Variants in EIF2AK1 observed in about 807,000 individuals in gnomAD.
EIF2AK1 encodes the protein eukaryotic translation initiation factor 2-alpha kinase 1.
In EIF2AK1, 54 loss-of-function variants were observed where a neutral mutation model predicts 77.9. The ratio of observed to expected loss-of-function variants is 0.69; its 90% CI spans 0.56 to 0.87. The LOEUF (loss-of-function observed/expected upper bound fraction) is 0.87. Among genes scored for constraint, EIF2AK1 ranks in the 40% least tolerant of loss-of-function variants. The probability of loss-of-function intolerance (pLI) is 0.00; values close to 1 mark genes in which losing one functional copy is unlikely to be tolerated. For synonymous variants in EIF2AK1, 314 were observed against 290.5 expected, an observed-to-expected ratio of 1.08 and a Z score of -0.82; for missense variants, 810 against 768.6, an observed-to-expected ratio of 1.05 and a Z score of -0.64.
rs748716919 is a variant in EIF2AK1, at chr7:6,026,533, G to A, written c.1764+195C>T. ...GCTGAGGCCACAGCTGCTACCCCAA[G>A]GGGAGTGAGTCCTGCCAGCACACCC... is the stretch of plus-strand genomic sequence containing the variant. On this transcript the variant is annotated intron_variant, in intron 14 of 14. Coordinates refer to ENST00000199389, the MANE Select transcript of EIF2AK1 (RefSeq NM_014413.4). 9.9e-6 allele frequency: 7 copies of A among 705,054 alleles called. No homozygotes were observed. In the East Asian group the frequency reaches 1.9e-4, roughly 19 times the overall value. 43.7% of individuals were successfully genotyped at this position (705,054 alleles called of 1,614,324 possible).
chr7:6,032,737 A>G lies in EIF2AK1; in HGVS notation c.1333-3705T>C. Reference sequence around the variant, plus strand: ...ATACCAGAAAAAGAGTGAGCCAATGAGACACTAAATAAATGTATTGCCTTT... The same window carrying G: ...ATACCAGAAAAAGAGTGAGCCAATGGGACACTAAATAAATGTATTGCCTTT... On this transcript the variant is annotated intron_variant, in intron 11 of 14. Coordinates refer to ENST00000199389, the MANE Select transcript of EIF2AK1 (RefSeq NM_014413.4). The surrounding 1 kb of genome is among the most constrained non-coding windows in gnomAD (Gnocchi z 4.3). The G allele has an allele frequency of 1.1e-6, 1 of 898,128 alleles. No homozygotes were observed. Among genetic ancestry groups the G allele is most frequent in the Non-Finnish European group, 1.7e-6 (1 of 583,978 alleles). 55.6% of individuals were successfully genotyped at this position (898,128 alleles called of 1,614,324 possible). A position where few individuals can be genotyped will look rare whatever the true frequency, so the allele number is the denominator to read the frequency against.
At chr7:6,029,071 TAAAAC>T (rs1787828256) in intron 11 of EIF2AK1, 39 bp from the exon 12 acceptor site, 1 of 1,461,954 alleles carries the variant, frequency 6.8e-7, no homozygotes, top group Non-Finnish European at 9.5e-7. Context: ...TTGGCTTTCT[TAAAAC>T]AAATAGTAAT....
chr7:6,031,606 G>A, intron 11 of EIF2AK1: 1 of 1,549,910 alleles, frequency 6.5e-7, no homozygotes, highest in Non-Finnish European at 8.7e-7. Context: ...CCTCTTTTCT[G>A]CTCAGTCACT....
chr7:6,039,992 T>C (rs1169592335), intron 9 of EIF2AK1, among the ~76,000 whole-genome samples: 2 of 152,214 alleles, frequency 1.3e-5, no homozygotes, highest in Non-Finnish European at 2.9e-5. Flanking sequence ...ATTAATTCTG[T>C]GCTGTGTCTT....
At chr7:6,039,621 C>CAAAAAA (rs767158374) in intron 9 of EIF2AK1, among the ~76,000 whole-genome samples, 1 of 49,010 alleles carries the variant, frequency 2.0e-5, no homozygotes, top group African/African-American at 8.2e-5. Context: ...ACTCCATCTC[C>CAAAAAA]AAAAAAAAAA....
chr7:6,055,200 G>C (rs1294052766), intron 1 of EIF2AK1, among the ~76,000 whole-genome samples: 4 of 151,868 alleles, frequency 2.6e-5, no homozygotes, highest in Admixed American at 6.6e-5. Context: ...AAATTAGCCG[G>C]GCAGTGGTGG....
intron 11 of EIF2AK1, among the ~76,000 whole-genome samples, chr7:6,034,795 C>T (rs1788028512): frequency 6.6e-6 from 1 of 152,174 alleles, no homozygotes; most frequent in Non-Finnish European, 1.5e-5. Context: ...AGATGAGGGC[C>T]AAGTTGTAAA....
chr7:6,042,989 G>C lies in EIF2AK1; in HGVS notation c.735C>G (p.Asp245Glu), dbSNP rs1455309663. 2 of 1,614,084 alleles carry C rather than the reference G, an allele frequency of 1.2e-6. No homozygotes were observed. Among genetic ancestry groups the C allele is most frequent in the Non-Finnish European group, 1.7e-6 (2 of 1,179,978 alleles). Reference protein sequence around the residue: ...EHVHVIQPRADRAAIELPSLE... With the variant: ...EHVHVIQPRAERAAIELPSLE... ...GAGATGGCAACTCAATGGCAGCTCT[G>C]TCTGCTGAATGAAAACAAACAACAA... Residue 245 changes from aspartate to glutamate, a missense_variant, in exon 8 of 15, where the codon GAC becomes GAG. Transcript: ENST00000199389.
Position 6,038,680 on chromosome 7 carries a change from G to C in EIF2AK1, c.1120-9C>G. The C allele has an allele frequency of 6.3e-7, 1 of 1,590,046 alleles. No individual in the cohort carries two copies. Among genetic ancestry groups the C allele is most frequent in the Non-Finnish European group, 8.6e-7 (1 of 1,166,910 alleles). On this transcript the variant is annotated splice_polypyrimidine_tract_variant and intron_variant, in intron 9 of 14. Coordinates refer to ENST00000199389, the MANE Select transcript of EIF2AK1 (RefSeq NM_014413.4). ...ATCAGGTGGTACTGTGCCTAGGAGAGGACACAGTGATGGCTCCCATCTTTG... is the reference window on the plus strand; with the variant it reads ...ATCAGGTGGTACTGTGCCTAGGAGACGACACAGTGATGGCTCCCATCTTTG...
chr7:6,034,622 T>C (rs1006274986), intron 11 of EIF2AK1, among the ~76,000 whole-genome samples: 2 of 152,206 alleles, frequency 1.3e-5, no homozygotes, highest in African/African-American at 4.8e-5. Context: ...CCTACAAAGG[T>C]AGGGGCCACC....
intron 4 of EIF2AK1, 22 bp from the exon 5 acceptor site, chr7:6,047,113 T>A (rs1250517622): frequency 1.9e-6 from 3 of 1,594,618 alleles, no homozygotes; most frequent in Non-Finnish European, 2.6e-6. Flanking sequence ...ATACAAACAA[T>A]CAATATTAAA....
rs1358389848 is a variant in EIF2AK1, at chr7:6,036,135, T to A, written c.1332+1289A>T. ...TACGGCACTTCTGGCCAGGCTACTT[T>A]ATCACACTTATCCTCTGAGAATGAC... On this transcript the variant is annotated intron_variant, in intron 11 of 14. Coordinates refer to ENST00000199389, the MANE Select transcript of EIF2AK1 (RefSeq NM_014413.4). This position sits in a 1 kb window ranked among gnomAD's most constrained non-coding sequence, Gnocchi z 4.6. 6.4e-7 allele frequency: 1 copy of A among 1,550,526 alleles called. No individual in the cohort carries two copies. The highest frequency in any genetic ancestry group is 8.7e-7 in the Non-Finnish European group (1 of 1,147,002).
At chr7:6,058,817 C>CT (rs1189089395) in intron 1 of EIF2AK1, 149 bp downstream of exon 1, 16 of 600,254 alleles carry the variant, frequency 2.7e-5, no homozygotes, top group Non-Finnish European at 4.4e-5. Context: ...GCCGCCCCCC[C>CT]TCGCACTGCG....
In EIF2AK1 at chr7:6,056,566, C is replaced by A. The variant is rs1420863288; in HGVS notation, c.119-1862G>T. On this transcript the variant is annotated intron_variant, in intron 1 of 14. Coordinates refer to ENST00000199389, the MANE Select transcript of EIF2AK1 (RefSeq NM_014413.4). Reference sequence around the variant, plus strand: ...CCGAGATCGCGCGACTGCACTCCAGCCTGGGCAACAGAGGGAGACTCCATC... The same window carrying A: ...CCGAGATCGCGCGACTGCACTCCAGACTGGGCAACAGAGGGAGACTCCATC... Among the ~76,000 whole-genome samples, 4 of 120,576 alleles carry A rather than the reference C, an allele frequency of 3.3e-5. No homozygotes were observed. The East Asian group carries it at 7.3e-4, about 22-fold the overall frequency. The allele number at this position is 120,576 out of a possible 152,430, so 79.1% of individuals were successfully genotyped here. A position where few individuals can be genotyped will look rare whatever the true frequency, so the allele number is the denominator to read the frequency against.
Position 6,026,978 on chromosome 7 carries a change from A to G in EIF2AK1, c.1531-17T>C. The G allele has an allele frequency of 6.3e-7, 1 of 1,591,340 alleles. No individual in the cohort carries two copies. The highest frequency in any genetic ancestry group is 8.6e-7 in the Non-Finnish European group (1 of 1,160,452). ...CATATCTGACTGGAAAAAGAAAAAAAGGGGAACTCAGTAGTGAAATACAAA... is the reference window on the plus strand; with the variant it reads ...CATATCTGACTGGAAAAAGAAAAAAGGGGGAACTCAGTAGTGAAATACAAA... On this transcript the variant is annotated splice_polypyrimidine_tract_variant and intron_variant, in intron 13 of 14. Coordinates refer to ENST00000199389, the MANE Select transcript of EIF2AK1 (RefSeq NM_014413.4).
Position 6,040,873 on chromosome 7 carries a change from G to C in EIF2AK1, c.1119+19C>G. ...CACCAATACTGGCCAAATTAGGAGG[G>C]TCTGGGAAAGTAATCTACCTCTGTC... On this transcript the variant is annotated intron_variant, in intron 9 of 14. Transcript: ENST00000199389. 1 of 1,604,324 alleles carries C rather than the reference G, an allele frequency of 6.2e-7. No homozygotes were observed. The highest frequency in any genetic ancestry group is 1.1e-5 in the South Asian group (1 of 90,630).
intron 1 of EIF2AK1, chr7:6,058,181 G>A (rs767815092): frequency 2.4e-5 from 11 of 455,428 alleles, no homozygotes; most frequent in South Asian, 4.6e-5. Context: ...AGGCCGAGGC[G>A]GGAGAATCGC....
intron 8 of EIF2AK1, 29 bp from the exon 9 acceptor site, chr7:6,041,248 A>G (rs1788288382): frequency 6.4e-7 from 1 of 1,574,590 alleles, no homozygotes. Flanking sequence ...GTAAACATAA[A>G]AGTCAATGGG....
intron 7 of EIF2AK1, 41 bp from the exon 8 acceptor site, chr7:6,043,034 T>G: frequency 6.3e-7 from 1 of 1,593,312 alleles, no homozygotes; most frequent in Non-Finnish European, 8.6e-7. Flanking sequence ...AACAGCCCAG[T>G]TTTTCAAATT....
Sources: gnomAD v4.1 joint callset for allele counts (sites outside exome capture counted in the v4.1 genomes callset) on GRCh38, gnomAD v4.1.1 for gene constraint, Gnocchi (gnomAD v3.1) non-coding constraint, MANE v1.5 for transcripts, NCBI Gene and HGNC (gene_info 2026-07-23, HGNC 2026-07-21) for gene names.